Variants in RGS6 observed in about 807,000 individuals in gnomAD.
RGS6 encodes regulator of G-protein signaling 6.
RGS6 carries 30 observed loss-of-function variants against 78.5 expected under a neutral mutation model. The ratio of observed to expected loss-of-function variants is 0.38; its 90% confidence interval spans 0.29 to 0.52. The LOEUF (loss-of-function observed/expected upper bound fraction) is 0.52. Among genes scored for constraint, RGS6 ranks in the 20% least tolerant of loss-of-function variants. RGS6 has a pLI of 0.85. For synonymous variants in RGS6, 206 were observed against 206.0 expected, an observed-to-expected ratio of 1.00 and a Z score of 0.00; for missense variants, 495 against 609.7, an observed-to-expected ratio of 0.81 and a Z score of 1.98.
chr14:71,995,835 G>A (rs1305795285), intron 2 of RGS6, among the ~76,000 whole-genome samples: 1 of 152,138 alleles, frequency 6.6e-6, no homozygotes, highest in Non-Finnish European at 1.5e-5. Flanking sequence ...AGAAAATGTG[G>A]CCATAGTTTA....
intron 2 of RGS6, among the ~76,000 whole-genome samples, chr14:72,075,561 C>T (rs1215950433): frequency 6.6e-6 from 1 of 152,030 alleles, no homozygotes; most frequent in African/African-American, 2.4e-5. Context: ...ATGACATGTT[C>T]ACTATAAAAG....
At chr14:72,328,845 C>T (rs1026535475) in intron 2 of RGS6, among the ~76,000 whole-genome samples, 1 of 152,188 alleles carries the variant, frequency 6.6e-6, no homozygotes, top group Non-Finnish European at 1.5e-5. Flanking sequence ...ACAATACTCA[C>T]TTGCATATAC....
At chr14:72,035,585 C>T (rs371127786) in intron 2 of RGS6, among the ~76,000 whole-genome samples, 1 of 152,024 alleles carries the variant, frequency 6.6e-6, no homozygotes, top group Non-Finnish European at 1.5e-5. Flanking sequence ...TCCTTGTTAA[C>T]GTAGGTATTT....
At chr14:72,596,978 C>T in the RGS6 span, among the ~76,000 whole-genome samples, 1 of 152,178 alleles carries the variant, frequency 6.6e-6, no homozygotes, top group African/African-American at 2.4e-5. Flanking sequence ...GTGGCTCACG[C>T]CTGTAATCCC....
chr14:72,179,947 C>G (rs957796451), intron 2 of RGS6, among the ~76,000 whole-genome samples: 7 of 152,302 alleles, frequency 4.6e-5, no homozygotes, highest in Admixed American at 3.3e-4. Flanking sequence ...CACAACAAAT[C>G]CAACAGCACT....
intron 3 of RGS6, among the ~76,000 whole-genome samples, chr14:72,370,469 G>A (rs1596358249): frequency 6.6e-6 from 1 of 152,340 alleles, no homozygotes; most frequent in East Asian, 1.9e-4. Context: ...TGTGGGCTGT[G>A]TCAGGTTTGG....
chr14:72,207,113 A>G (rs927859282), intron 2 of RGS6, among the ~76,000 whole-genome samples: 2 of 152,208 alleles, frequency 1.3e-5, no homozygotes, highest in Non-Finnish European at 2.9e-5. Flanking sequence ...TAAGCAAATT[A>G]AGAAAAAGAA....
At chr14:72,414,679 C>G (rs559354876) in intron 3 of RGS6, among the ~76,000 whole-genome samples, 4 of 152,190 alleles carry the variant, frequency 2.6e-5, no homozygotes, top group African/African-American at 4.8e-5. Context: ...TTTTTTTCCC[C>G]CATCTTTGTG....
At chr14:72,372,246 G>C (rs1158623971) in intron 3 of RGS6, among the ~76,000 whole-genome samples, 1 of 152,142 alleles carries the variant, frequency 6.6e-6, no homozygotes, top group Admixed American at 6.5e-5. Context: ...TATAGGCTTT[G>C]TTCTCCTTAA....
intron 2 of RGS6, among the ~76,000 whole-genome samples, chr14:72,274,720 C>T (rs2060424180): frequency 6.6e-6 from 1 of 152,128 alleles, no homozygotes; most frequent in Non-Finnish European, 1.5e-5. Flanking sequence ...GGCAGGGAGC[C>T]ATGAACCAAA....
chr14:72,114,756 G>T (rs1567232534), intron 2 of RGS6, among the ~76,000 whole-genome samples: 2 of 152,206 alleles, frequency 1.3e-5, no homozygotes, highest in Admixed American at 6.5e-5. Flanking sequence ...ACTTAAGGCT[G>T]TTTTTCCCAG....
At chr14:72,261,194 C>A (rs774353889) in intron 2 of RGS6, among the ~76,000 whole-genome samples, 1 of 152,182 alleles carries the variant, frequency 6.6e-6, no homozygotes, top group Non-Finnish European at 1.5e-5. Flanking sequence ...CCTTGCACAG[C>A]TGACTTTGGT....
intron 3 of RGS6, among the ~76,000 whole-genome samples, chr14:72,442,844 G>A (rs560838870): frequency 6.6e-6 from 1 of 152,360 alleles, no homozygotes; most frequent in South Asian, 2.1e-4. Flanking sequence ...CTGTAGCTGG[G>A]ATGGAGAAAG....
intron 3 of RGS6, among the ~76,000 whole-genome samples, chr14:72,416,484 T>G (rs763580321): frequency 1.3e-5 from 2 of 152,196 alleles, no homozygotes; most frequent in Non-Finnish European, 2.9e-5. Context: ...TCTCAAAGTG[T>G]TCTCAGTTAA....
the RGS6 span, among the ~76,000 whole-genome samples, chr14:71,917,591 G>A: frequency 3.3e-5 from 5 of 152,146 alleles, no homozygotes; most frequent in African/African-American, 9.7e-5. Context: ...GCAGCCCTGC[G>A]TGTGGCCCAC....
At chr14:72,098,445 AG>A (rs754578996) in intron 2 of RGS6, among the ~76,000 whole-genome samples, 24 of 152,348 alleles carry the variant, frequency 1.6e-4, no homozygotes, top group Admixed American at 7.2e-4. Flanking sequence ...GCCATCAGGC[AG>A]GGGGCATTTG....
chr14:72,386,524 C>T (rs1422745819), intron 3 of RGS6, among the ~76,000 whole-genome samples: 1 of 152,038 alleles, frequency 6.6e-6, no homozygotes, highest in African/African-American at 2.4e-5. Flanking sequence ...AGCGACAGAG[C>T]GAGACTCCAT....
chr14:72,189,795 A>G (rs1414884685), intron 2 of RGS6, among the ~76,000 whole-genome samples: 2 of 152,144 alleles, frequency 1.3e-5, no homozygotes, highest in Non-Finnish European at 2.9e-5. Context: ...GCAGAAATGA[A>G]TACCACATGG....
chr14:71,941,343 G>A (rs1485109103), intron 1 of RGS6, among the ~76,000 whole-genome samples: 1 of 152,042 alleles, frequency 6.6e-6, no homozygotes, highest in African/African-American at 2.4e-5. Flanking sequence ...GCATTTTTGG[G>A]TCTAATCATA....
Sources: gnomAD v4.1 joint callset for allele counts (sites outside exome capture counted in the v4.1 genomes callset) on GRCh38, gnomAD v4.1.1 for gene constraint, MANE v1.5 for transcripts, NCBI Gene and HGNC (gene_info 2026-07-23, HGNC 2026-07-21) for gene names.